Variants in ARHGEF28 observed in about 807,000 individuals in gnomAD.
The protein encoded by ARHGEF28 is 190 kDa guanine nucleotide exchange factor.
ARHGEF28 carries 152 observed loss-of-function variants against 206.6 expected under a neutral mutation model. The ratio of observed to expected loss-of-function variants is 0.74; its 90% CI spans 0.64 to 0.84. The LOEUF (loss-of-function observed/expected upper bound fraction) is 0.84. Among genes scored for constraint, ARHGEF28 ranks in the 40% least tolerant of loss-of-function variants. The pLI, the probability that ARHGEF28 is intolerant of heterozygous loss-of-function variation, is 0.00. For missense variants in ARHGEF28, 2,028 were observed against 2,073.2 expected (o/e 0.98, Z 0.42); for synonymous variants, 763 against 776.4 (o/e 0.98, Z 0.29).
chr5:73,868,235 GA>G lies in ARHGEF28; in HGVS notation c.2425+10del, dbSNP rs1561470173. 2.6e-6 allele frequency: 4 copies of G among 1,565,594 alleles called. No individual in the cohort carries two copies. Among genetic ancestry groups the G allele is most frequent in the Non-Finnish European group, 3.5e-6 (4 of 1,152,674 alleles). The stretch of plus-strand genomic sequence containing the variant: ...AGTCTTTCATAATGGAAGGTGAGGA[GA>G]AGACACACTTCCATTTATTTGTGTT... On this transcript the variant is annotated intron_variant, in intron 20 of 35. Transcript: ENST00000513042.
intron 13 of ARHGEF28, among the ~76,000 whole-genome samples, chr5:73,850,717 A>G (rs1758645409): frequency 6.6e-6 from 1 of 152,192 alleles, no homozygotes; most frequent in Admixed American, 6.5e-5. Flanking sequence ...GCCCTAATTT[A>G]CTTATTCTTT....
chr5:73,815,657 T>TTAA (rs1756159916), intron 9 of ARHGEF28, among the ~76,000 whole-genome samples: 1 of 152,142 alleles, frequency 6.6e-6, no homozygotes, highest in African/African-American at 2.4e-5. Flanking sequence ...AGACATGGGA[T>TTAA]TAATGATGAG....
chr5:73,857,620 T>TCCC, intron 14 of ARHGEF28, 36 bp from the exon 15 acceptor site: 1 of 1,547,786 alleles, frequency 6.5e-7, no homozygotes. Context: ...TCTTCCTAAG[T>TCCC]CATATGAGCC....
intron 9 of ARHGEF28, among the ~76,000 whole-genome samples, chr5:73,799,045 C>T (rs949451555): frequency 3.3e-5 from 5 of 152,134 alleles, no homozygotes; most frequent in Middle Eastern, 3.2e-3. Flanking sequence ...AAGATCGCAC[C>T]GTTCATTGCA....
At chr5:73,740,412 C>T (rs1751313561) in intron 2 of ARHGEF28, among the ~76,000 whole-genome samples, 1 of 152,014 alleles carries the variant, frequency 6.6e-6, no homozygotes, top group South Asian at 2.1e-4. Context: ...CAAAACACAC[C>T]ATCTCTTAGT....
intron 1 of ARHGEF28, among the ~76,000 whole-genome samples, chr5:73,672,602 C>T (rs979379826): frequency 6.6e-6 from 1 of 152,228 alleles, no homozygotes; most frequent in Non-Finnish European, 1.5e-5. Flanking sequence ...ACATGAAAGA[C>T]ATACTTTAGA....
chr5:73,915,148 GTT>G (rs111446677), intron 35 of ARHGEF28, among the ~76,000 whole-genome samples: 2,032 of 149,378 alleles, frequency 0.014, 28 homozygotes, highest in Non-Finnish European at 0.022. Context: ...GTTTTTATTG[GTT>G]TTTTTTTCTC....
chr5:73,921,470 G>T (rs1050360069), intron 35 of ARHGEF28, among the ~76,000 whole-genome samples: 22 of 152,098 alleles, frequency 1.4e-4, no homozygotes, highest in African/African-American at 5.3e-4. Context: ...TTCTCTTTCT[G>T]GATAAGATAT....
At chr5:73,904,635 C>T in intron 33 of ARHGEF28, 3 of 519,904 alleles carry the variant, frequency 5.8e-6, no homozygotes, top group Non-Finnish European at 1.0e-5. Flanking sequence ...CAGTTCATAT[C>T]TTTAAAAAAT....
chr5:73,843,321 G>A (rs1758105778), intron 11 of ARHGEF28, among the ~76,000 whole-genome samples: 1 of 152,136 alleles, frequency 6.6e-6, no homozygotes, highest in African/African-American at 2.4e-5. Flanking sequence ...AGGAGAGGAA[G>A]GAGAAGCCAT....
intron 1 of ARHGEF28, among the ~76,000 whole-genome samples, chr5:73,670,108 C>T (rs1303548167): frequency 6.6e-6 from 1 of 152,228 alleles, no homozygotes; most frequent in Non-Finnish European, 1.5e-5. Context: ...ACAAGGATCC[C>T]TCCTGTTACC....
Position 73,896,343 on chromosome 5 carries a change from C to G in ARHGEF28, c.3842-1619C>G, listed in dbSNP as rs74830953. Among the ~76,000 whole-genome samples, 1,188 of 152,154 alleles carry G rather than the reference C, an allele frequency of 7.8e-3. 12 individuals are homozygous for G. Among genetic ancestry groups the G allele is most frequent in the African/African-American group, 0.028 (1,152 of 41,522 alleles). On this transcript the variant is annotated intron_variant, in intron 29 of 35. Transcript: ENST00000513042. ...GGGAGGCCAGAGTAGCAGATGTCAG[C>G]GGGGGTCACCGTTAGATGAGGTGGT...
At chr5:73,724,726 T>A (rs887286364) in intron 2 of ARHGEF28, among the ~76,000 whole-genome samples, 1 of 152,242 alleles carries the variant, frequency 6.6e-6, no homozygotes, top group Non-Finnish European at 1.5e-5. Flanking sequence ...ATTCGTTTCA[T>A]GTTTTAAAAC....
At chr5:73,668,999 T>G (rs1746141247) in intron 1 of ARHGEF28, among the ~76,000 whole-genome samples, 1 of 152,206 alleles carries the variant, frequency 6.6e-6, no homozygotes, top group Non-Finnish European at 1.5e-5. Context: ...CTCACAACCT[T>G]AAACTAAACC....
intron 7 of ARHGEF28, among the ~76,000 whole-genome samples, chr5:73,791,764 G>T (rs1412946477): frequency 2.6e-5 from 4 of 152,070 alleles, no homozygotes; most frequent in African/African-American, 9.7e-5. Flanking sequence ...ATTATCTCTT[G>T]TTCCATTATA....
intron 9 of ARHGEF28, among the ~76,000 whole-genome samples, chr5:73,824,171 A>G (rs1313147542): frequency 6.6e-6 from 1 of 152,200 alleles, no homozygotes; most frequent in Non-Finnish European, 1.5e-5. Context: ...GCAAAGGGGT[A>G]GCCTATCTGA....
chr5:73,792,184 A>AT (rs1170179164), intron 7 of ARHGEF28, among the ~76,000 whole-genome samples: 9 of 152,280 alleles, frequency 5.9e-5, no homozygotes, highest in Admixed American at 5.2e-4. Flanking sequence ...CATTTAAGTT[A>AT]TTTTTTAAAT....
At chr5:73,855,367 A>G (rs1758953156) in intron 14 of ARHGEF28, among the ~76,000 whole-genome samples, 1 of 152,190 alleles carries the variant, frequency 6.6e-6, no homozygotes, top group Admixed American at 6.5e-5. Context: ...TTCATAATTA[A>G]TAATATTTTT....
chr5:73,811,389 A>C (rs1340573601), intron 9 of ARHGEF28, among the ~76,000 whole-genome samples: 1 of 152,196 alleles, frequency 6.6e-6, no homozygotes, highest in African/African-American at 2.4e-5. Context: ...TTTTTGTCAA[A>C]ATATGTGTTT....
Sources: gnomAD v4.1 joint callset for allele counts (sites outside exome capture counted in the v4.1 genomes callset) on GRCh38, gnomAD v4.1.1 for gene constraint, MANE v1.5 for transcripts, NCBI Gene and HGNC (gene_info 2026-07-23, HGNC 2026-07-21) for gene names.